Variants in FGF14 observed in about 807,000 individuals in gnomAD.
FGF14 encodes the protein fibroblast growth factor 14.
A neutral mutation model predicts 25.5 loss-of-function variants in FGF14; 5 were observed. The observed-to-expected ratio is 0.20, with a 90% confidence interval of 0.10 to 0.41. The LOEUF is 0.41. Ranked by LOEUF, FGF14 falls within the 10% of genes least tolerant of loss-of-function variation. The pLI is 1.00. For synonymous variants in FGF14, 138 were observed against 118.3 expected (o/e 1.17, Z -1.08); for missense variants, 222 against 320.1 (o/e 0.69, Z 2.34).
intron 1 of FGF14, among the ~76,000 whole-genome samples, chr13:102,332,045 C>A (rs183431907): frequency 3.3e-5 from 5 of 152,226 alleles, no homozygotes; most frequent in Admixed American, 3.3e-4. Context: ...TGGCTCTGCC[C>A]AAATTCTCCT....
At chr13:102,231,437 G>T (rs1309030287) in intron 1 of FGF14, among the ~76,000 whole-genome samples, 1 of 152,158 alleles carries the variant, frequency 6.6e-6, no homozygotes, top group Non-Finnish European at 1.5e-5. Flanking sequence ...GTTTAGAAAT[G>T]AGAAAAATCA....
chr13:101,923,546 C>T (rs1194451006), intron 1 of FGF14, among the ~76,000 whole-genome samples: 12 of 152,082 alleles, frequency 7.9e-5, no homozygotes, highest in Non-Finnish European at 1.8e-4. Flanking sequence ...AGACTGACTG[C>T]TTATCCGCTC....
At chr13:101,762,762 G>A (rs908314981) in intron 3 of FGF14, among the ~76,000 whole-genome samples, 43 of 152,120 alleles carry the variant, frequency 2.8e-4, no homozygotes, top group Non-Finnish European at 3.5e-4. Flanking sequence ...ACCTGAAATA[G>A]GCCAGTTTTC....
intron 1 of FGF14, among the ~76,000 whole-genome samples, chr13:101,887,105 T>G (rs2046029058): frequency 6.6e-6 from 1 of 151,832 alleles, no homozygotes; most frequent in Admixed American, 6.6e-5. Context: ...GGAAAGTAAA[T>G]TAGTACAGCC....
At chr13:102,226,406 T>C (rs1000806119) in intron 1 of FGF14, among the ~76,000 whole-genome samples, 2 of 152,186 alleles carry the variant, frequency 1.3e-5, no homozygotes, top group Non-Finnish European at 2.9e-5. Flanking sequence ...AGTTATCCCA[T>C]TTATCTCCTA....
intron 1 of FGF14, among the ~76,000 whole-genome samples, chr13:101,907,854 G>C (rs1255132277): frequency 6.6e-6 from 1 of 152,126 alleles, no homozygotes; most frequent in Non-Finnish European, 1.5e-5. Context: ...CCCTGAGTAG[G>C]AGAGATGGTC....
chr13:101,868,704 G>C (rs767124603), intron 3 of FGF14, 21 bp downstream of exon 3: 2 of 1,415,516 alleles, frequency 1.4e-6, no homozygotes, highest in African/African-American at 2.8e-5. Flanking sequence ...GAATGGCCGA[G>C]ATCTTTGGCG....
At chr13:101,759,998 G>A (rs1431416834) in intron 3 of FGF14, among the ~76,000 whole-genome samples, 1 of 152,100 alleles carries the variant, frequency 6.6e-6, no homozygotes, top group African/African-American at 2.4e-5. Context: ...GAGAAATCTT[G>A]TGTTTCTTCA....
chr13:102,274,832 CA>C (rs1283876143), intron 1 of FGF14, among the ~76,000 whole-genome samples: 1 of 151,686 alleles, frequency 6.6e-6, no homozygotes, highest in African/African-American at 2.4e-5. Flanking sequence ...ATGTAGAAAC[CA>C]TGCCCATATA....
intron 1 of FGF14, among the ~76,000 whole-genome samples, chr13:101,928,289 T>G (rs1360693023): frequency 1.3e-5 from 2 of 152,208 alleles, no homozygotes; most frequent in Non-Finnish European, 2.9e-5. Flanking sequence ...AAGACACTTT[T>G]TAGTACATAT....
intron 3 of FGF14, among the ~76,000 whole-genome samples, chr13:101,805,758 T>C (rs1193433326): frequency 6.6e-6 from 1 of 152,102 alleles, no homozygotes; most frequent in Non-Finnish European, 1.5e-5. Context: ...GCAGGTTAAC[T>C]TCAATGTTAT....
At chr13:101,827,695 A>G (rs987157310) in intron 3 of FGF14, among the ~76,000 whole-genome samples, 1 of 151,872 alleles carries the variant, frequency 6.6e-6, no homozygotes, top group Non-Finnish European at 1.5e-5. Context: ...CAGATTGTCT[A>G]TGAGATTCAG....
At chr13:101,961,735 G>A (rs902804747) in intron 1 of FGF14, among the ~76,000 whole-genome samples, 27 of 152,128 alleles carry the variant, frequency 1.8e-4, no homozygotes, top group Admixed American at 1.7e-3. Flanking sequence ...CTTTTGCTCA[G>A]CACTTCTCCT....
At chr13:102,308,635 T>C (rs2055535417) in intron 1 of FGF14, among the ~76,000 whole-genome samples, 3 of 152,188 alleles carry the variant, frequency 2.0e-5, no homozygotes. Flanking sequence ...GCCTGAGTGA[T>C]CTGAACAAGT....
rs1162885134 is a variant in FGF14, at chr13:101,812,887, G to A, written c.408+55838C>T. ...TCACCATGTTGGCCAGGGTGGTCTC[G>A]AACTCCTGACCTCAGGTGATCCACC... On this transcript the variant is annotated intron_variant, in intron 3 of 4. Coordinates refer to ENST00000376143, the MANE Select transcript of FGF14 (RefSeq NM_004115.4). Among the ~76,000 whole-genome samples the A allele has an allele frequency of 4.0e-5, 6 of 151,188 alleles. No homozygotes were observed. The South Asian group carries it at 8.4e-4, about 21-fold the overall frequency.
intron 3 of FGF14, among the ~76,000 whole-genome samples, chr13:101,821,202 C>T (rs921024010): frequency 6.6e-6 from 1 of 152,184 alleles, no homozygotes; most frequent in Non-Finnish European, 1.5e-5. Flanking sequence ...CCCGCCTCGG[C>T]CTCCCAAAGT....
intron 1 of FGF14, among the ~76,000 whole-genome samples, chr13:102,316,604 T>C (rs2056035260): frequency 6.6e-6 from 1 of 152,206 alleles, no homozygotes; most frequent in Non-Finnish European, 1.5e-5. Context: ...ACAAATTGCC[T>C]TGAATCACTC....
chr13:102,315,192 G>A (rs2055962542), intron 1 of FGF14, among the ~76,000 whole-genome samples: 1 of 152,008 alleles, frequency 6.6e-6, no homozygotes, highest in African/African-American at 2.4e-5. Flanking sequence ...TCAAAGAAAT[G>A]AGTAGCAAGG....
chr13:102,064,854 C>T (rs761382824), intron 1 of FGF14, among the ~76,000 whole-genome samples: 2 of 151,950 alleles, frequency 1.3e-5, no homozygotes, highest in Non-Finnish European at 2.9e-5. Context: ...TATGAAAATA[C>T]TATGCCATTT....
Sources: allele counts gnomAD v4.1 joint callset (sites outside exome capture counted in the v4.1 genomes callset), GRCh38; gene constraint gnomAD v4.1.1; transcripts MANE v1.5; gene names NCBI Gene and HGNC (gene_info 2026-07-23, HGNC 2026-07-21).